The following KIF16B variants were observed in gnomAD, a reference collection of about 807,000 sequenced individuals.
The protein encoded by KIF16B is kinesin-like protein KIF16B.
Under a neutral mutation model 156.3 loss-of-function variants are expected in KIF16B, and 98 were observed. The ratio of observed to expected loss-of-function variants is 0.63; its 90% CI spans 0.53 to 0.74. The LOEUF (loss-of-function observed/expected upper bound fraction) is 0.74. Among genes scored for constraint, KIF16B ranks in the 30% least tolerant of loss-of-function variants. The pLI is 0.00. For synonymous variants in KIF16B, 564 were observed against 583.7 expected (o/e 0.97, Z 0.49); for missense variants, 1,421 against 1,606.5 (o/e 0.88, Z 1.97).
Position 16,502,395 on chromosome 20 carries a change from T to C in KIF16B, c.1176+1977A>G, listed in dbSNP as rs1052057063. Among the ~76,000 whole-genome samples the C allele has an allele frequency of 3.3e-5, 5 of 152,196 alleles. No homozygotes were observed. The East Asian group carries it at 5.8e-4, about 18-fold the overall frequency. ...AAATTTAATTAATTTAGGATAAGCC[T>C]ATATTGTCTCAAAACAATTTACAGC... On this transcript the variant is annotated intron_variant, in intron 10 of 25. Coordinates refer to ENST00000354981, the MANE Select transcript of KIF16B (RefSeq NM_024704.5).
At chr20:16,374,616 T>G (rs1264394430) in intron 19 of KIF16B, among the ~76,000 whole-genome samples, 2 of 152,158 alleles carry the variant, frequency 1.3e-5, no homozygotes, top group Admixed American at 6.5e-5. Context: ...GGACGAGCAC[T>G]GCAGGCATCC....
At chr20:16,410,174 TATATATGTAGGTACATATAC>T (rs1367401035) in intron 15 of KIF16B, among the ~76,000 whole-genome samples, 166 of 143,784 alleles carry the variant, frequency 1.2e-3, no homozygotes, top group South Asian at 5.6e-3. Context: ...TAGGTACATA[TATATATGTAGGTACATATAC>T]ATATATGTAG....
At chr20:16,521,808 C>T (rs1219613532) in intron 3 of KIF16B, among the ~76,000 whole-genome samples, 2 of 152,186 alleles carry the variant, frequency 1.3e-5, no homozygotes, top group African/African-American at 2.4e-5. Flanking sequence ...GCCCATCAGA[C>T]TAACAGTGAA....
chr20:16,515,290 TA>T (rs1400232424), intron 4 of KIF16B, among the ~76,000 whole-genome samples: 1 of 152,196 alleles, frequency 6.6e-6, no homozygotes, highest in Admixed American at 6.5e-5. Flanking sequence ...ACTTTTTTGA[TA>T]AGATTATAAG....
intron 2 of KIF16B, among the ~76,000 whole-genome samples, chr20:16,527,647 G>A (rs1028707132): frequency 1.3e-5 from 2 of 152,102 alleles, no homozygotes; most frequent in Non-Finnish European, 2.9e-5. Context: ...CACAAACAGG[G>A]CTCACTGTAG....
At chr20:16,428,322 T>TA (rs1210217896) in intron 14 of KIF16B, among the ~76,000 whole-genome samples, 1 of 152,106 alleles carries the variant, frequency 6.6e-6, no homozygotes, top group Non-Finnish European at 1.5e-5. Flanking sequence ...GCTGAGACAA[T>TA]ATAATTCTTC....
intron 15 of KIF16B, among the ~76,000 whole-genome samples, chr20:16,416,311 C>T (rs962857545): frequency 1.3e-5 from 2 of 152,136 alleles, no homozygotes; most frequent in Admixed American, 1.3e-4. Context: ...ATGGTATTGC[C>T]TACACTTTCT....
At chr20:16,537,523 G>A (rs2070018223) in intron 1 of KIF16B, among the ~76,000 whole-genome samples, 1 of 151,742 alleles carries the variant, frequency 6.6e-6, no homozygotes, top group Non-Finnish European at 1.5e-5. Flanking sequence ...TGTTAAATGT[G>A]ATGAACTTCC....
At position 16,299,659 on chromosome 20, in the gene KIF16B, TTCACATTTCCATGAAAAATTCTAA is replaced by T. The variant is rs1166165188; in HGVS notation, c.3795+12652_3795+12675del. 2.0e-5 allele frequency among the ~76,000 whole-genome samples: 3 copies of T among 152,312 alleles called. No individual in the cohort carries two copies. The East Asian group carries it at 5.8e-4, about 29-fold the overall frequency. On this transcript the variant is annotated intron_variant, in intron 25 of 25. Coordinates refer to ENST00000354981, the MANE Select transcript of KIF16B (RefSeq NM_024704.5). ...TTGGCTATGTCCTTAAATGAAGACA[TTCACATTTCCATGAAAAATTCTAA>T]TCACATTTTGGTATTAAATTAATGT...
chr20:16,456,038 C>T (rs73898758), intron 12 of KIF16B, among the ~76,000 whole-genome samples: 2,326 of 152,080 alleles, frequency 0.015, 42 homozygotes, highest in African/African-American at 0.036. Context: ...CTTACAATGT[C>T]CTTCAATACG....
At chr20:16,377,013 T>C (rs768399687) in intron 19 of KIF16B, among the ~76,000 whole-genome samples, 2 of 152,246 alleles carry the variant, frequency 1.3e-5, no homozygotes, top group Admixed American at 6.5e-5. Context: ...ATGTAATCCA[T>C]AGCATAAGCC....
chr20:16,431,155 C>A (rs774626568), intron 12 of KIF16B, among the ~76,000 whole-genome samples: 1 of 152,054 alleles, frequency 6.6e-6, no homozygotes, highest in African/African-American at 2.4e-5. Context: ...ACCCGCAGCA[C>A]GTGCCTCTGG....
chr20:16,511,600 C>T lies in KIF16B; in HGVS notation c.447-73G>A. 5 of 888,216 alleles carry T rather than the reference C, an allele frequency of 5.6e-6. No individual in the cohort carries two copies. The Admixed American group carries it at 8.2e-5, about 15-fold the overall frequency. The allele number at this position is 888,216 out of a possible 1,614,324, so 55.0% of individuals were successfully genotyped here. ...TAATATCAGTAACAACACATAACAG[C>T]AGCAACCTGCTGACATAAATGGCCA... On this transcript the variant is annotated intron_variant, in intron 5 of 25. Transcript: ENST00000354981.
At chr20:16,508,586 T>C (rs2068859710) in intron 6 of KIF16B, among the ~76,000 whole-genome samples, 1 of 152,120 alleles carries the variant, frequency 6.6e-6, no homozygotes, top group South Asian at 2.1e-4. Context: ...CATGCTCCTA[T>C]GAGAATCTAA....
intron 1 of KIF16B, among the ~76,000 whole-genome samples, chr20:16,536,934 AC>A (rs1298520268): frequency 6.6e-6 from 1 of 151,338 alleles, no homozygotes; most frequent in African/African-American, 2.4e-5. Flanking sequence ...AAACAACCTT[AC>A]CCCCAACCCC....
At chr20:16,342,511 T>G (rs1340085566) in intron 23 of KIF16B, among the ~76,000 whole-genome samples, 1 of 152,226 alleles carries the variant, frequency 6.6e-6, no homozygotes, top group Non-Finnish European at 1.5e-5. Context: ...TGGTTGCTGT[T>G]ATTCTGTTCT....
intron 13 of KIF16B, 53 bp from the exon 14 acceptor site, chr20:16,429,057 G>A: frequency 1.4e-6 from 2 of 1,450,476 alleles, no homozygotes; most frequent in African/African-American, 1.4e-5. Context: ...GGAATAGCTT[G>A]TTTCTTCATT....
At chr20:16,448,902 G>GA (rs11474024) in intron 12 of KIF16B, among the ~76,000 whole-genome samples, 8 of 151,052 alleles carry the variant, frequency 5.3e-5, no homozygotes, top group Middle Eastern at 3.2e-3. Context: ...GAGAGAGAGA[G>GA]GGAGGAAACA....
chr20:16,387,280 T>C (rs1327714728), intron 17 of KIF16B, among the ~76,000 whole-genome samples: 3 of 152,104 alleles, frequency 2.0e-5, no homozygotes, highest in Non-Finnish European at 4.4e-5. Flanking sequence ...TTAGAGACTA[T>C]TAATTTACAG....
Sources: gnomAD v4.1 joint callset for allele counts (sites outside exome capture counted in the v4.1 genomes callset) on GRCh38, gnomAD v4.1.1 for gene constraint, MANE v1.5 for transcripts, NCBI Gene and HGNC (gene_info 2026-07-23, HGNC 2026-07-21) for gene names.